MCF2L2: variants seen among roughly 807,000 people sequenced by gnomAD.
MCF2L2 encodes probable guanine nucleotide exchange factor MCF2L2.
In MCF2L2, 102 loss-of-function variants were observed where a neutral mutation model predicts 150.2. The observed-to-expected ratio is 0.68, with a 90% CI of 0.58 to 0.80. The LOEUF (loss-of-function observed/expected upper bound fraction) is 0.80. Ranked by LOEUF, MCF2L2 falls within the 30% of genes least tolerant of loss-of-function variation. The pLI, the probability that MCF2L2 is intolerant of heterozygous loss-of-function variation, is 0.00. For missense variants in MCF2L2, 1,256 were observed against 1,372.8 expected (o/e 0.91, Z 1.34); for synonymous variants, 465 against 491.3 (o/e 0.95, Z 0.71).
At position 183,207,815 on chromosome 3, in the gene MCF2L2, A is replaced by G; in HGVS notation, c.2505T>C (p.Ile835=). Residue 835 remains isoleucine, a synonymous_variant, in exon 23 of 30, where the codon ATT becomes ATC. Transcript: ENST00000328913. ...GCAGCAACAGCTTGCCTAGTTTTCC[A>G]ATATCGTCCTTTTGGAAACACACAT... ...LAAVTECPDD[I]GKLGKLLLHG... 1 of 1,613,726 alleles carries G rather than the reference A, an allele frequency of 6.2e-7. No homozygotes were observed.
intron 7 of MCF2L2, among the ~76,000 whole-genome samples, 197 bp from the exon 8 acceptor site, chr3:183,311,969 G>A (rs546752126): frequency 1.9e-3 from 296 of 152,198 alleles, no homozygotes; most frequent in African/African-American, 6.7e-3. Flanking sequence ...CAAAATATCC[G>A]AAAGGGTATA....
At chr3:183,360,834 T>C (rs1416083805) in intron 3 of MCF2L2, among the ~76,000 whole-genome samples, 2 of 151,710 alleles carry the variant, frequency 1.3e-5, no homozygotes, top group Non-Finnish European at 2.9e-5. Context: ...CCGAGTGTGG[T>C]GGCGCATGCT....
intron 3 of MCF2L2, chr3:183,372,346 C>T (rs908399159): frequency 1.3e-5 from 2 of 152,090 alleles, no homozygotes; most frequent in Non-Finnish European, 2.9e-5. Context: ...CATTTTAGGC[C>T]ACTTATCATA....
At chr3:183,398,580 G>T (rs1270589084) in intron 1 of MCF2L2, among the ~76,000 whole-genome samples, 1 of 151,808 alleles carries the variant, frequency 6.6e-6, no homozygotes, top group Non-Finnish European at 1.5e-5. Flanking sequence ...AAAGAAAAAA[G>T]GGAGGAGGGA....
intron 22 of MCF2L2, among the ~76,000 whole-genome samples, chr3:183,211,118 G>A (rs1722703423): frequency 6.6e-6 from 1 of 152,104 alleles, no homozygotes; most frequent in African/African-American, 2.4e-5. Flanking sequence ...ACTGACGGAA[G>A]GGAAAAAAAC....
intron 27 of MCF2L2, chr3:183,192,755 A>G: frequency 2.4e-6 from 1 of 410,790 alleles, no homozygotes. Context: ...ACAGTGGATA[A>G]GGGGGTGCTC....
chr3:183,258,895 A>G (rs1035694465), intron 15 of MCF2L2, among the ~76,000 whole-genome samples: 7 of 152,164 alleles, frequency 4.6e-5, no homozygotes, highest in African/African-American at 1.7e-4. Flanking sequence ...TGGCCCATGT[A>G]CTTTAAATCA....
At chr3:183,357,585 A>G (rs191190753) in intron 3 of MCF2L2, among the ~76,000 whole-genome samples, 68 of 152,320 alleles carry the variant, frequency 4.5e-4, no homozygotes, top group African/African-American at 1.6e-3. Flanking sequence ...AAACGCAAGC[A>G]TACGACACAC....
intron 27 of MCF2L2, among the ~76,000 whole-genome samples, chr3:183,185,684 T>TC (rs1721668247): frequency 6.6e-6 from 1 of 152,130 alleles, no homozygotes; most frequent in South Asian, 2.1e-4. Flanking sequence ...TCTCCAGAGC[T>TC]CCCAACAGGA....
intron 2 of MCF2L2, among the ~76,000 whole-genome samples, chr3:183,384,084 G>C (rs1273442625): frequency 2.0e-5 from 3 of 152,166 alleles, no homozygotes; most frequent in African/African-American, 7.2e-5. Flanking sequence ...CTGCTGACCA[G>C]GAACATACAT....
chr3:183,181,856 G>A lies in MCF2L2; in HGVS notation c.3017-1697C>T, dbSNP rs1468213889. On this transcript the variant is annotated intron_variant, in intron 27 of 29. Coordinates refer to ENST00000328913, the MANE Select transcript of MCF2L2 (RefSeq NM_015078.4). This position sits in a 1 kb window ranked among gnomAD's most constrained non-coding sequence, Gnocchi z 4.3. ...GCCATAGGCAGCCACAGCCTGGGGTGGGCAGGGCTGGGAGGCGACACAGGA... is the reference window on the plus strand; with the variant it reads ...GCCATAGGCAGCCACAGCCTGGGGTAGGCAGGGCTGGGAGGCGACACAGGA... Among the ~76,000 whole-genome samples the A allele has an allele frequency of 6.6e-6, 1 of 152,198 alleles. No homozygotes were observed. Among genetic ancestry groups the A allele is most frequent in the Non-Finnish European group, 1.5e-5 (1 of 68,022 alleles).
chr3:183,407,858 A>T (rs941480137), intron 1 of MCF2L2, among the ~76,000 whole-genome samples: 1 of 152,196 alleles, frequency 6.6e-6, no homozygotes, highest in Non-Finnish European at 1.5e-5. Context: ...AGAGTTCATA[A>T]GGCCTGTCAT....
At chr3:183,294,551 ATGTGTG>A (rs367979993) in intron 13 of MCF2L2, among the ~76,000 whole-genome samples, 1 of 139,474 alleles carries the variant, frequency 7.2e-6, no homozygotes, top group Non-Finnish European at 1.5e-5. Flanking sequence ...ATATATATGT[ATGTGTG>A]TGTGTGTGTG....
At chr3:183,371,925 C>G (rs1299464938) in intron 3 of MCF2L2, 1 of 151,862 alleles carries the variant, frequency 6.6e-6, no homozygotes, top group African/African-American at 2.4e-5. Flanking sequence ...AGGGATAACT[C>G]TGAGTACTGT....
intron 13 of MCF2L2, among the ~76,000 whole-genome samples, chr3:183,290,103 CTT>C (rs1057211355): frequency 2.0e-5 from 3 of 152,178 alleles, no homozygotes; most frequent in Non-Finnish European, 4.4e-5. Context: ...ACACTAAACT[CTT>C]AACGCTGAAG....
intron 1 of MCF2L2, among the ~76,000 whole-genome samples, chr3:183,413,623 C>CA (rs1715433665): frequency 6.6e-6 from 1 of 152,216 alleles, no homozygotes; most frequent in Non-Finnish European, 1.5e-5. Context: ...CCTGCACCCC[C>CA]AACTCAGCTC....
chr3:183,206,152 A>G lies in MCF2L2; in HGVS notation c.2775T>C (p.Ser925=). The part of the protein sequence containing the change: ...RGSHRKFEIA[S]RNGLEKYILQ... ...GGATGTATTTCTCAAGTCCATTTCG[A>G]CTGGCAATCTCAAACTTTCTATGGC... Residue 925 remains serine (S), a synonymous_variant, in exon 24 of 30, where the codon AGT becomes AGC. Coordinates refer to ENST00000328913, the MANE Select transcript of MCF2L2 (RefSeq NM_015078.4). The G allele has an allele frequency of 6.2e-7, 1 of 1,614,202 alleles. No homozygotes were observed. Among genetic ancestry groups the G allele is most frequent in the Non-Finnish European group, 8.5e-7 (1 of 1,180,022 alleles).
At chr3:183,339,798 A>G (rs1730628690) in intron 4 of MCF2L2, among the ~76,000 whole-genome samples, 1 of 151,944 alleles carries the variant, frequency 6.6e-6, no homozygotes, top group Non-Finnish European at 1.5e-5. Flanking sequence ...ACTCCAGACT[A>G]TTTTGATTCA....
chr3:183,238,995 C>CAAAAAAA (rs60736939), intron 15 of MCF2L2, among the ~76,000 whole-genome samples: 4 of 88,864 alleles, frequency 4.5e-5, no homozygotes, highest in Non-Finnish European at 7.5e-5. Flanking sequence ...ATATCCGTCT[C>CAAAAAAA]AAAAAAAAAA....
Sources: allele counts gnomAD v4.1 joint callset (sites outside exome capture counted in the v4.1 genomes callset), GRCh38; gene constraint gnomAD v4.1.1; non-coding constraint Gnocchi (gnomAD v3.1); transcripts MANE v1.5; gene names NCBI Gene and HGNC (gene_info 2026-07-23, HGNC 2026-07-21).